ZFR2: variants seen among roughly 807,000 people sequenced by gnomAD.
The protein encoded by ZFR2 is zinc finger RNA binding protein 2, also known as zinc finger RNA-binding protein 2.
ZFR2 carries 104 observed loss-of-function variants against 105.7 expected under a neutral mutation model. That is an observed-to-expected ratio of 0.98 (90% confidence interval 0.84 to 1.16). The LOEUF (loss-of-function observed/expected upper bound fraction) is 1.16. ZFR2 is among the 50% of genes most tolerant of loss of function. The probability of loss-of-function intolerance (pLI) is 0.00; values close to 1 mark genes in which losing one functional copy is unlikely to be tolerated. For missense variants in ZFR2, 1,425 were observed against 1,355.5 expected (o/e 1.05, Z -0.80); for synonymous variants, 634 against 597.7 (o/e 1.06, Z -0.89).
intron 1 of ZFR2, among the ~76,000 whole-genome samples, chr19:3,866,282 C>T (rs1358747880): frequency 6.6e-6 from 1 of 152,150 alleles, no homozygotes; most frequent in East Asian, 1.9e-4. Context: ...ATGTATTTTG[C>T]TATGATTCCT....
intron 11 of ZFR2, among the ~76,000 whole-genome samples, chr19:3,819,502 G>C (rs755820169): frequency 6.6e-6 from 1 of 152,238 alleles, no homozygotes; most frequent in Non-Finnish European, 1.5e-5. Context: ...TAAATTTCCA[G>C]ACCAGAGGCT....
intron 1 of ZFR2, among the ~76,000 whole-genome samples, chr19:3,846,635 C>G (rs975306324): frequency 6.6e-6 from 1 of 152,162 alleles, no homozygotes; most frequent in African/African-American, 2.4e-5. Flanking sequence ...TTGAAACTGT[C>G]CCGATTCATT....
At chr19:3,826,445 T>C (rs1222287797) in intron 6 of ZFR2, among the ~76,000 whole-genome samples, 1 of 151,572 alleles carries the variant, frequency 6.6e-6, no homozygotes, top group African/African-American at 2.4e-5. Context: ...CTCTTTTTTT[T>C]TTCTTTTGGC....
intron 12 of ZFR2, among the ~76,000 whole-genome samples, chr19:3,817,082 G>A (rs576028585): frequency 2.3e-4 from 35 of 152,282 alleles, no homozygotes; most frequent in African/African-American, 4.6e-4. Context: ...TAGCCGGGAC[G>A]CGTGGCCAAA....
chr19:3,825,212 G>A lies in ZFR2; in HGVS notation c.1213+18C>T, dbSNP rs1435127042. Reference sequence around the variant, plus strand: ...AGGGCTCTGGTGGGTACACGAACACGCATACAGACACACGTACCCTCGCAT... The same window carrying A: ...AGGGCTCTGGTGGGTACACGAACACACATACAGACACACGTACCCTCGCAT... On this transcript the variant is annotated intron_variant, in intron 7 of 18. Transcript: ENST00000262961. 8.7e-6 allele frequency: 13 copies of A among 1,496,398 alleles called. No individual in the cohort carries two copies. Among genetic ancestry groups the A allele is most frequent in the Middle Eastern group, 1.7e-4 (1 of 5,728 alleles). The allele number at this position is 1,496,398 out of a possible 1,614,324, so 92.7% of individuals were successfully genotyped here.
rs2038334405 is a variant in ZFR2, at chr19:3,858,558, C to A, written c.53+10407G>T. 6.6e-6 allele frequency among the ~76,000 whole-genome samples: 1 copy of A among 152,220 alleles called. No homozygotes were observed. Among genetic ancestry groups the A allele is most frequent in the Admixed American group, 6.5e-5 (1 of 15,282 alleles). On this transcript the variant is annotated intron_variant, in intron 1 of 18. Transcript: ENST00000262961. This position sits in a 1 kb window ranked among gnomAD's most constrained non-coding sequence, Gnocchi z 4.3. Reference sequence around the variant, plus strand: ...CTCAGTCAGGTGCAGTGGCTCACGCCTATAATCCCAGTGCTTTGGGAGGCC... The same window carrying A: ...CTCAGTCAGGTGCAGTGGCTCACGCATATAATCCCAGTGCTTTGGGAGGCC...
At chr19:3,814,057 G>C in intron 13 of ZFR2, 99 bp from the exon 14 acceptor site, 1 of 1,525,738 alleles carries the variant, frequency 6.6e-7, no homozygotes, top group Non-Finnish European at 8.8e-7. Context: ...TAATCCCGTC[G>C]GGCCTCCCAC....
chr19:3,868,390 A>G (rs1445560421), intron 1 of ZFR2, among the ~76,000 whole-genome samples: 1 of 122,018 alleles, frequency 8.2e-6, no homozygotes, highest in Non-Finnish European at 1.7e-5. Context: ...ATCGGGGGTC[A>G]ATGCCCCTCT....
In ZFR2 at chr19:3,813,097, A is replaced by G. The variant is rs1391207958; in HGVS notation, c.2242+723T>C. On this transcript the variant is annotated intron_variant, in intron 14 of 18. Coordinates refer to ENST00000262961, the MANE Select transcript of ZFR2 (RefSeq NM_015174.2). The surrounding 1 kb of genome is among the most constrained non-coding windows in gnomAD (Gnocchi z 4.4). Reference sequence around the variant, plus strand: ...TCTGTCTCAAAAAACAAACAAACAAAAAATACCAAATCGATTGAAAGAGAA... The same window carrying G: ...TCTGTCTCAAAAAACAAACAAACAAGAAATACCAAATCGATTGAAAGAGAA... 6.6e-6 allele frequency among the ~76,000 whole-genome samples: 1 copy of G among 152,202 alleles called. No individual in the cohort carries two copies. The highest frequency in any genetic ancestry group is 1.9e-4 in the East Asian group (1 of 5,192).
intron 1 of ZFR2, among the ~76,000 whole-genome samples, chr19:3,842,428 G>A (rs541546181): frequency 2.0e-5 from 3 of 152,078 alleles, no homozygotes; most frequent in Non-Finnish European, 2.9e-5. Flanking sequence ...CCCTGTAGCT[G>A]TATATAATTT....
intron 1 of ZFR2, among the ~76,000 whole-genome samples, chr19:3,863,270 C>T (rs914004751): frequency 2.4e-4 from 37 of 152,112 alleles, no homozygotes; most frequent in Non-Finnish European, 8.8e-5. Context: ...CTGGGGCTGC[C>T]GAGCCTGTTC....
chr19:3,816,546 T>G, intron 13 of ZFR2, 128 bp downstream of exon 13: 1 of 1,384,006 alleles, frequency 7.2e-7, no homozygotes, highest in African/African-American at 1.5e-5. Context: ...GCGCCTGGCT[T>G]AATGCTTCTT....
chr19:3,818,382 G>A (rs2037848149), intron 12 of ZFR2, among the ~76,000 whole-genome samples: 1 of 152,158 alleles, frequency 6.6e-6, no homozygotes, highest in South Asian at 2.1e-4. Flanking sequence ...CGGGAGGACA[G>A]CTTGAGCCCG....
chr19:3,820,257 C>A lies in ZFR2; in HGVS notation c.1665G>T (p.Pro555=), dbSNP rs374264898. 6.5e-7 allele frequency: 1 copy of A among 1,548,032 alleles called. No homozygotes were observed. Among genetic ancestry groups the A allele is most frequent in the African/African-American group, 1.4e-5 (1 of 73,082 alleles). The change falls in exon 11 of 19, where the codon CCG becomes CCT. Residue 555 remains proline (P), a synonymous_variant. Transcript: ENST00000262961. ...RLEEEPPQDV[P]PHAPPDWAQP... ...GGGCCCAGTCGGGCGGCGCGTGGGG[C>A]GGCACGTCCTGGGGTGGCTCCTCCT...
chr19:3,813,815 C>T lies in ZFR2; in HGVS notation c.2242+5G>A, dbSNP rs536706309. On this transcript the variant is annotated splice_donor_5th_base_variant and intron_variant, in intron 14 of 18. Transcript: ENST00000262961. This position sits in a 1 kb window ranked among gnomAD's most constrained non-coding sequence, Gnocchi z 4.4. The stretch of plus-strand genomic sequence containing the variant: ...CAGTGGTTGGAAGGAAGGGCTGGGC[C>T]GCACCTGGGTCTGTGGAGGGGTCCT... 6.8e-6 allele frequency: 11 copies of T among 1,613,506 alleles called. No individual in the cohort carries two copies. Among genetic ancestry groups the T allele is most frequent in the Admixed American group, 1.7e-5 (1 of 59,980 alleles).
rs1005406737 is a variant in ZFR2 at position 3,820,312 on chromosome 19, G to A, written c.1632-22C>T. The A allele has an allele frequency of 5.9e-6, 9 of 1,534,274 alleles. No individual in the cohort carries two copies. The African/African-American group carries it at 9.7e-5, about 16-fold the overall frequency. On this transcript the variant is annotated intron_variant, in intron 10 of 18. Transcript: ENST00000262961. ...CCGCCTGCAGGACCGAGACGTGACA[G>A]AGCATGGTCAGGCCAGCAGTGGCCC...
intron 1 of ZFR2, among the ~76,000 whole-genome samples, chr19:3,844,894 C>G (rs1206821038): frequency 6.6e-6 from 1 of 152,204 alleles, no homozygotes; most frequent in Non-Finnish European, 1.5e-5. Flanking sequence ...GTCTCTGCAG[C>G]TAGTGTCTGT....
chr19:3,830,657 G>T (rs990395206), intron 5 of ZFR2, among the ~76,000 whole-genome samples: 1 of 152,084 alleles, frequency 6.6e-6, no homozygotes, highest in Non-Finnish European at 1.5e-5. Context: ...CAGAGTCTGC[G>T]ATTGCAGACT....
chr19:3,811,432 T>G (rs1028134049), intron 14 of ZFR2, 66 bp from the exon 15 acceptor site: 24 of 1,471,378 alleles, frequency 1.6e-5, no homozygotes, highest in African/African-American at 1.6e-4. Flanking sequence ...GCCGACGGGG[T>G]GAGGGGCTCA....
Sources: gnomAD v4.1 joint callset for allele counts (sites outside exome capture counted in the v4.1 genomes callset) on GRCh38, gnomAD v4.1.1 for gene constraint, Gnocchi (gnomAD v3.1) non-coding constraint, MANE v1.5 for transcripts, NCBI Gene and HGNC (gene_info 2026-07-23, HGNC 2026-07-21) for gene names.